ZNF79: variants seen among roughly 807,000 people sequenced by gnomAD.
ZNF79 encodes ZNFpT7.
In ZNF79, 13 loss-of-function variants were observed where a neutral mutation model predicts 14.9. The observed-to-expected ratio is 0.87, with a 90% CI of 0.57 to 1.38. The LOEUF (loss-of-function observed/expected upper bound fraction) is 1.38. Ranked by LOEUF, ZNF79 falls within the 40% of genes most tolerant of loss-of-function variation. The pLI is 0.00. For missense variants in ZNF79, 631 were observed against 630.6 expected (o/e 1.00, Z -0.01); for synonymous variants, 223 against 235.1 (o/e 0.95, Z 0.47).
chr9:127,434,849 G>T (rs898934156), intron 2 of ZNF79, among the ~76,000 whole-genome samples: 2 of 152,076 alleles, frequency 1.3e-5, no homozygotes, highest in Admixed American at 6.6e-5. Context: ...GGGTTTTGCC[G>T]TGTTGGCCAG....
At chr9:127,429,482 A>C (rs1247458420) in intron 2 of ZNF79, among the ~76,000 whole-genome samples, 1 of 102,612 alleles carries the variant, frequency 9.7e-6, no homozygotes, top group African/African-American at 3.8e-5. Flanking sequence ...CACCATGCCT[A>C]GCTAATTTTT....
At chr9:127,427,667 A>G (rs952996485) in intron 1 of ZNF79, among the ~76,000 whole-genome samples, 3 of 149,170 alleles carry the variant, frequency 2.0e-5, no homozygotes, top group Admixed American at 6.9e-5. Context: ...TCAGCCTCCC[A>G]GGTAGCTGGG....
intron 4 of ZNF79, among the ~76,000 whole-genome samples, chr9:127,439,932 A>G (rs1349286113): frequency 2.0e-5 from 3 of 151,998 alleles, no homozygotes; most frequent in Non-Finnish European, 1.5e-5. Context: ...GCGCGATCTC[A>G]GTTCACTGCA....
At chr9:127,437,070 A>AC (rs1488497199) in intron 4 of ZNF79, among the ~76,000 whole-genome samples, 8 of 151,374 alleles carry the variant, frequency 5.3e-5, no homozygotes, top group African/African-American at 1.9e-4. Context: ...TAAAAAAAAA[A>AC]AAAAAAAAAA....
At chr9:127,424,976 T>C in intron 1 of ZNF79, 173 bp downstream of exon 1, 6 of 1,483,028 alleles carry the variant, frequency 4.0e-6, no homozygotes, top group Non-Finnish European at 5.4e-6. Flanking sequence ...CCTGAGAACA[T>C]GTGCCCCTAC....
chr9:127,439,789 T>C (rs1416078432), intron 4 of ZNF79, among the ~76,000 whole-genome samples: 2 of 152,236 alleles, frequency 1.3e-5, no homozygotes, highest in Non-Finnish European at 2.9e-5. Context: ...TGTATTCCCT[T>C]TGTTGAGTGG....
rs1834105626 is a variant in ZNF79 at position 127,444,183 on chromosome 9, G to C, written c.483G>C (p.Gln161His). 1 of 1,613,910 alleles carries C rather than the reference G, an allele frequency of 6.2e-7. No individual in the cohort carries two copies. Among genetic ancestry groups the C allele is most frequent in the Admixed American group, 1.7e-5 (1 of 60,000 alleles). Residue 161 changes from glutamine (Q) to histidine (H), a missense_variant, in exon 5 of 5, where the codon CAG (glutamine) becomes CAC (histidine). Transcript: ENST00000342483. ...FNLRPVLSPQ[Q>H]RVPVEARPRK... is the part of the protein sequence containing the mutation. ...TGAGACCAGTCCTCTCTCCGCAACA[G>C]AGAGTGCCCGTGGAAGCGAGACCTC...
chr9:127,428,542 C>G (rs1286186525), intron 1 of ZNF79: 28 of 470,388 alleles, frequency 6.0e-5, no homozygotes, highest in Non-Finnish European at 8.2e-5. Context: ...TTATCATCCC[C>G]ATTTTGCAGA....
chr9:127,437,041 C>T (rs933217219), intron 4 of ZNF79, among the ~76,000 whole-genome samples: 7 of 119,936 alleles, frequency 5.8e-5, no homozygotes, highest in Admixed American at 9.7e-5. Flanking sequence ...GCCTGGGTGA[C>T]AAGAGTGAAA....
chr9:127,431,203 T>C (rs1833852841), intron 2 of ZNF79, among the ~76,000 whole-genome samples: 1 of 152,078 alleles, frequency 6.6e-6, no homozygotes, highest in African/African-American at 2.4e-5. Flanking sequence ...CTTTTGATTA[T>C]CTTTTCCTAT....
At position 127,430,569 on chromosome 9, in the gene ZNF79, A is replaced by G. The variant is rs550276272; in HGVS notation, c.105+1649A>G. On this transcript the variant is annotated intron_variant, in intron 2 of 4. Transcript: ENST00000342483. ...TAATTCACTTAAGATAATGGACTCC[A>G]GATGCATCCATGTCACTGCAAAGGA... Among the ~76,000 whole-genome samples, 6 of 152,362 alleles carry G rather than the reference A, an allele frequency of 3.9e-5. No individual in the cohort carries two copies. In the East Asian group the frequency reaches 9.6e-4, roughly 24 times the overall value.
In ZNF79 at chr9:127,428,852, G is replaced by C. The variant is rs202118813; in HGVS notation, c.37G>C (p.Ala13Pro). 1 of 1,606,328 alleles carries C rather than the reference G, an allele frequency of 6.2e-7. No homozygotes were observed. Among genetic ancestry groups the C allele is most frequent in the African/African-American group, 1.3e-5 (1 of 74,618 alleles). Reference sequence around the variant, plus strand: ...TCTAGTACTGCCTTCCCCAGGCCCTGCCCTTCCCCAAGAGGAAAACACAGG... The same window carrying C: ...TCTAGTACTGCCTTCCCCAGGCCCTCCCCTTCCCCAAGAGGAAAACACAGG... The part of the protein sequence containing the change: ...EEGVLPSPGP[A>P]LPQEENTGEE... The change falls in exon 2 of 5, where the codon GCC becomes CCC. Residue 13 changes from alanine (A) to proline (P), a missense_variant. By Grantham distance (27) the Ala-to-Pro change is conservative (BLOSUM62 -1). Coordinates refer to ENST00000342483, the MANE Select transcript of ZNF79 (RefSeq NM_007135.3).
chr9:127,445,132 T>C lies in ZNF79; in HGVS notation c.1432T>C (p.Cys478Arg), dbSNP rs774745234. The C allele has an allele frequency of 1.1e-5, 17 of 1,613,858 alleles. No homozygotes were observed. The East Asian group carries it at 3.6e-4, about 34-fold the overall frequency. ...TGVKPYECSE[C>R]GKAFRCSSAF... ...CGTGAAACCCTACGAATGCAGCGAG[T>C]GTGGGAAGGCCTTCCGGTGCAGCTC... is the stretch of plus-strand genomic sequence containing the variant. The change falls in exon 5 of 5, where the codon TGT (cysteine) becomes CGT (arginine). Residue 478 changes from cysteine to arginine, a missense_variant. Transcript: ENST00000342483.
intron 2 of ZNF79, among the ~76,000 whole-genome samples, chr9:127,431,186 T>C (rs1833852659): frequency 6.6e-6 from 1 of 152,116 alleles, no homozygotes; most frequent in Admixed American, 6.6e-5. Context: ...CTTTTGTCAG[T>C]TGCAAACTTT....
chr9:127,428,265 G>A (rs2131942929), intron 1 of ZNF79, among the ~76,000 whole-genome samples: 1 of 152,246 alleles, frequency 6.6e-6, no homozygotes, highest in South Asian at 2.1e-4. Context: ...ACAGGCATAA[G>A]CCACCGCACC....
chr9:127,435,961 G>T lies in ZNF79; in HGVS notation c.286G>T (p.Ala96Ser), dbSNP rs368686424. 9.3e-6 allele frequency: 15 copies of T among 1,614,120 alleles called. No homozygotes were observed. The Admixed American group carries it at 1.8e-4, about 20-fold the overall frequency. The change falls in exon 4 of 5, where the codon GCA (alanine) becomes TCA (serine). Residue 96 changes from alanine to serine, a missense_variant. By Grantham distance (99) the Ala-to-Ser change is moderately conservative. Coordinates refer to ENST00000342483, the MANE Select transcript of ZNF79 (RefSeq NM_007135.3). ...MNSQLEQREG[A>S]WMLEGEDLRS... ...CTCCCAGTTGGAACAAAGGGAAGGC[G>T]CATGGATGCTGGAGGGCGAAGACCT...
intron 1 of ZNF79, 88 bp from the exon 2 acceptor site, chr9:127,428,744 T>A (rs1478325084): frequency 7.7e-7 from 1 of 1,298,688 alleles, no homozygotes; most frequent in Non-Finnish European, 1.0e-6. Flanking sequence ...CCACGTGCCC[T>A]GATACCTGCT....
chr9:127,443,914 A>G, intron 4 of ZNF79, 115 bp from the exon 5 acceptor site: 1 of 900,292 alleles, frequency 1.1e-6, no homozygotes, highest in East Asian at 2.9e-5. Flanking sequence ...AAAAAAAAAA[A>G]AAAAAAAAGG....
rs1833709340 is a variant in ZNF79, at chr9:127,424,404, C to G, written c.-384C>G. 1 of 203,794 alleles carries G rather than the reference C, an allele frequency of 4.9e-6. No individual in the cohort carries two copies. Among genetic ancestry groups the G allele is most frequent in the South Asian group, 9.1e-5 (1 of 10,994 alleles). The allele number at this position is 203,794 out of a possible 1,614,324, so 12.6% of individuals were successfully genotyped here. A position where few individuals can be genotyped will look rare whatever the true frequency, so the allele number is the denominator to read the frequency against. ...GCCAATCAGGCGCGTCCCTCTGGCG[C>G]TGGAGCCAGGACCTGGCGTTGGGCG... On this transcript the variant is annotated 5_prime_UTR_variant, in exon 1 of 5. Coordinates refer to ENST00000342483, the MANE Select transcript of ZNF79 (RefSeq NM_007135.3).
Sources: gnomAD v4.1 joint callset for allele counts (sites outside exome capture counted in the v4.1 genomes callset) on GRCh38, gnomAD v4.1.1 for gene constraint, MANE v1.5 for transcripts, NCBI Gene and HGNC (gene_info 2026-07-23, HGNC 2026-07-21) for gene names.